The following WWOX variants were observed in gnomAD, a reference collection of about 807,000 sequenced individuals.
WWOX encodes WW domain containing oxidoreductase.
Under a neutral mutation model 46.2 loss-of-function variants are expected in WWOX, and 69 were observed. The observed-to-expected ratio is 1.49, with a 90% CI of 1.23 to 1.82. The LOEUF (loss-of-function observed/expected upper bound fraction) is 1.82. Among genes scored for constraint, WWOX ranks in the 40% most tolerant of loss-of-function variants. WWOX has a pLI of 0.00. For missense variants in WWOX, 919 were observed against 542.6 expected, an observed-to-expected ratio of 1.69 and a Z score of -6.89; for synonymous variants, 359 against 202.6, an observed-to-expected ratio of 1.77 and a Z score of -6.56.
chr16:78,385,796 C>T (rs182301292), intron 5 of WWOX, among the ~76,000 whole-genome samples: 5 of 152,292 alleles, frequency 3.3e-5, no homozygotes, highest in African/African-American at 4.8e-5. Context: ...GTTTGTTTTA[C>T]GGGACTCTTC....
chr16:79,028,897 A>AG (rs1597299212), intron 8 of WWOX, among the ~76,000 whole-genome samples: 2 of 91,592 alleles, frequency 2.2e-5, no homozygotes, highest in East Asian at 2.1e-3. Flanking sequence ...CTGAACCACT[A>AG]GAAAAAAAAA....
intron 8 of WWOX, among the ~76,000 whole-genome samples, chr16:78,976,511 G>A (rs1354414244): frequency 1.3e-5 from 2 of 152,202 alleles, no homozygotes; most frequent in Non-Finnish European, 2.9e-5. Context: ...AAGCAAGAAC[G>A]TGAGGGGTGA....
intron 5 of WWOX, among the ~76,000 whole-genome samples, chr16:78,171,347 T>C (rs2035154771): frequency 6.6e-6 from 1 of 152,210 alleles, no homozygotes; most frequent in Non-Finnish European, 1.5e-5. Flanking sequence ...TCAGTGACTT[T>C]ATGAGCTGGT....
At chr16:78,367,596 A>T (rs1274886500) in intron 5 of WWOX, among the ~76,000 whole-genome samples, 1 of 152,118 alleles carries the variant, frequency 6.6e-6, no homozygotes, top group African/African-American at 2.4e-5. Context: ...TTGTAAGTAA[A>T]GTATTTACGG....
At chr16:79,186,733 G>T (rs1018038050) in intron 8 of WWOX, among the ~76,000 whole-genome samples, 3 of 152,038 alleles carry the variant, frequency 2.0e-5, no homozygotes, top group Admixed American at 1.3e-4. Context: ...CAAGTATCTA[G>T]TATACTTGGG....
At chr16:79,088,757 G>C (rs1008744502) in intron 8 of WWOX, among the ~76,000 whole-genome samples, 3 of 152,002 alleles carry the variant, frequency 2.0e-5, no homozygotes, top group Admixed American at 6.6e-5. Context: ...ACTTACCGTG[G>C]GCTGCTAAGA....
chr16:78,300,512 CTCTCCCT>C (rs1478738161), intron 5 of WWOX, among the ~76,000 whole-genome samples: 2 of 151,878 alleles, frequency 1.3e-5, no homozygotes, highest in Non-Finnish European at 2.9e-5. Context: ...TCCCTCTCCC[CTCTCCCT>C]TCTCCCCTCT....
intron 8 of WWOX, among the ~76,000 whole-genome samples, chr16:78,830,390 G>C (rs113008108): frequency 0.021 from 3,219 of 152,130 alleles, 110 homozygotes; most frequent in African/African-American, 0.073. Context: ...CCGTATGGCT[G>C]GGGGTTTTTC....
intron 8 of WWOX, among the ~76,000 whole-genome samples, chr16:79,079,402 C>T (rs1047111672): frequency 2.7e-4 from 41 of 152,288 alleles, no homozygotes; most frequent in Admixed American, 2.3e-3. Flanking sequence ...GCCATCAATC[C>T]GGTATCCATT....
At chr16:79,160,065 G>C (rs1032335640) in intron 8 of WWOX, among the ~76,000 whole-genome samples, 2 of 152,200 alleles carry the variant, frequency 1.3e-5, no homozygotes, top group African/African-American at 4.8e-5. Flanking sequence ...CTGTGAATCT[G>C]TTCCCATTTG....
intron 8 of WWOX, among the ~76,000 whole-genome samples, chr16:78,949,748 A>G (rs2046021010): frequency 1.3e-5 from 2 of 152,212 alleles, no homozygotes; most frequent in South Asian, 4.1e-4. Flanking sequence ...AAACACAACA[A>G]GTAAAAGGTT....
At chr16:78,164,331 C>T in intron 5 of WWOX, 42 bp downstream of exon 5, 1 of 1,561,594 alleles carries the variant, frequency 6.4e-7, no homozygotes, top group Non-Finnish European at 8.8e-7. Flanking sequence ...TTGTCAAATA[C>T]ACATGCCGGG....
At chr16:78,361,514 T>C (rs1398988366) in intron 5 of WWOX, among the ~76,000 whole-genome samples, 2 of 152,226 alleles carry the variant, frequency 1.3e-5, no homozygotes, top group African/African-American at 4.8e-5. Context: ...ACCATGATGC[T>C]TGGCTAGTGG....
intron 8 of WWOX, among the ~76,000 whole-genome samples, chr16:78,662,929 G>A (rs1029600909): frequency 2.0e-5 from 3 of 152,190 alleles, no homozygotes; most frequent in Admixed American, 1.3e-4. Context: ...AAGAATTGGT[G>A]AGAGAGACCG....
chr16:78,501,189 TTC>T lies in WWOX; in HGVS notation c.1056+68441_1056+68442del, dbSNP rs1555550369. On this transcript the variant is annotated intron_variant, in intron 8 of 8. Coordinates refer to ENST00000566780, the MANE Select transcript of WWOX (RefSeq NM_016373.4). Reference sequence around the variant, plus strand: ...CATGTTTTTCTTTCTCTCTCTTTCTTTCTCTTTTTTTTTTTTTGAAAAACTTT... The same window carrying T: ...CATGTTTTTCTTTCTCTCTCTTTCTTTCTTTTTTTTTTTTTGAAAAACTTT... Among the ~76,000 whole-genome samples the T allele has an allele frequency of 3.3e-3, 343 of 105,244 alleles. 11 individuals carry two copies. The highest frequency in any genetic ancestry group is 4.5e-3 in the Admixed American group (38 of 8,482). 69.0% of individuals were successfully genotyped at this position (105,244 alleles called of 152,430 possible). A position where few individuals can be genotyped will look rare whatever the true frequency, so the allele number is the denominator to read the frequency against.
chr16:78,581,878 A>G (rs1218066792), intron 8 of WWOX, among the ~76,000 whole-genome samples: 1 of 152,108 alleles, frequency 6.6e-6, no homozygotes, highest in Non-Finnish European at 1.5e-5. Context: ...GTCATCCTCT[A>G]TTTGAAATTA....
intron 8 of WWOX, among the ~76,000 whole-genome samples, chr16:78,678,848 C>T (rs1055297030): frequency 1.3e-5 from 2 of 152,130 alleles, no homozygotes; most frequent in Admixed American, 6.5e-5. Context: ...TAAAGAGTCC[C>T]TGTGCTTCCC....
At chr16:78,448,570 C>A (rs74872698) in intron 8 of WWOX, among the ~76,000 whole-genome samples, 3 of 152,200 alleles carry the variant, frequency 2.0e-5, no homozygotes, top group Non-Finnish European at 4.4e-5. Context: ...AAAGTAGTGT[C>A]AAGCAGTACA....
At chr16:78,676,252 G>A (rs979623074) in intron 8 of WWOX, among the ~76,000 whole-genome samples, 9 of 151,800 alleles carry the variant, frequency 5.9e-5, no homozygotes, top group Non-Finnish European at 2.9e-5. Context: ...TACAGAGTCC[G>A]AAACAAAACA....
Sources: gnomAD v4.1 joint callset for allele counts (sites outside exome capture counted in the v4.1 genomes callset) on GRCh38, gnomAD v4.1.1 for gene constraint, MANE v1.5 for transcripts, NCBI Gene and HGNC (gene_info 2026-07-23, HGNC 2026-07-21) for gene names.